Variants in IFNLR1 observed in about 807,000 individuals in gnomAD.
IFNLR1 encodes the protein interferon lambda receptor 1.
Under a neutral mutation model 52.5 loss-of-function variants are expected in IFNLR1, and 28 were observed. The ratio of observed to expected loss-of-function variants is 0.53; its 90% confidence interval spans 0.40 to 0.73. The LOEUF (loss-of-function observed/expected upper bound fraction) is 0.73. Among genes scored for constraint, IFNLR1 ranks in the 30% least tolerant of loss-of-function variants. The pLI, the probability that IFNLR1 is intolerant of heterozygous loss-of-function variation, is 0.00. For missense variants in IFNLR1, 623 were observed against 659.1 expected (o/e 0.95, Z 0.60); for synonymous variants, 276 against 274.9 (o/e 1.00, Z -0.04).
At position 24,162,876 on chromosome 1, in the gene IFNLR1, T is replaced by TTTCTTTCTTTCTTTCCTTCC. The variant is rs1553162229; in HGVS notation, c.368-1193_368-1192insGGAAGGAAAGAAAGAAAGAA. 2.2e-4 allele frequency among the ~76,000 whole-genome samples: 5 copies of TTTCTTTCTTTCTTTCCTTCC among 22,590 alleles called. 1 individual carries two copies. The highest frequency in any genetic ancestry group is 4.0e-4 in the African/African-American group (2 of 5,028). The allele number at this position is 22,590 out of a possible 152,430, so 14.8% of individuals were successfully genotyped here. Reference sequence around the variant, plus strand: ...CTTTCTTTCTTTCTTTCTTTCTTTCTTTCCTTCCTTCCTTCCTTCCTTCCT... The same window carrying TTTCTTTCTTTCTTTCCTTCC: ...CTTTCTTTCTTTCTTTCTTTCTTTCTTTCTTTCTTTCTTTCCTTCCTTCCTTCCTTCCTTCCTTCCTTCCT... On this transcript the variant is annotated intron_variant, in intron 3 of 6. Coordinates refer to ENST00000327535, the MANE Select transcript of IFNLR1 (RefSeq NM_170743.4).
At chr1:24,168,599 A>G (rs1290628834) in intron 3 of IFNLR1, among the ~76,000 whole-genome samples, 1 of 152,076 alleles carries the variant, frequency 6.6e-6, no homozygotes, top group Non-Finnish European at 1.5e-5. Context: ...TGAAAAAAAA[A>G]AAGTGCCCTC....
At chr1:24,173,231 T>C (rs964991785) in intron 2 of IFNLR1, among the ~76,000 whole-genome samples, 2 of 151,402 alleles carry the variant, frequency 1.3e-5, no homozygotes, top group African/African-American at 4.9e-5. Flanking sequence ...TTTGTATTCA[T>C]AGATAACTCA....
intron 2 of IFNLR1, among the ~76,000 whole-genome samples, chr1:24,170,045 C>T (rs765353048): frequency 4.6e-5 from 7 of 152,212 alleles, no homozygotes; most frequent in Non-Finnish European, 7.3e-5. Flanking sequence ...ATGACTCCAA[C>T]CTGGATACTT....
chr1:24,185,868 AC>A (rs1644732367), intron 1 of IFNLR1, among the ~76,000 whole-genome samples: 1 of 152,144 alleles, frequency 6.6e-6, no homozygotes, highest in African/African-American at 2.4e-5. Flanking sequence ...CTTGGGACAG[AC>A]CACCCTATGG....
At chr1:24,178,328 A>C (rs1644655945) in intron 2 of IFNLR1, among the ~76,000 whole-genome samples, 1 of 152,130 alleles carries the variant, frequency 6.6e-6, no homozygotes, top group Admixed American at 6.5e-5. Flanking sequence ...TGGTATACAC[A>C]CATCACTCTG....
chr1:24,171,872 T>C (rs1286366170), intron 2 of IFNLR1, among the ~76,000 whole-genome samples: 1 of 152,056 alleles, frequency 6.6e-6, no homozygotes, highest in Non-Finnish European at 1.5e-5. Context: ...CCCAGGCTGG[T>C]CTCAAACTCC....
chr1:24,175,134 C>T (rs1385336799), intron 2 of IFNLR1, among the ~76,000 whole-genome samples: 1 of 152,212 alleles, frequency 6.6e-6, no homozygotes, highest in Non-Finnish European at 1.5e-5. Flanking sequence ...TGTGAACACG[C>T]AATATCCTTC....
Position 24,159,557 on chromosome 1 carries a change from A to G in IFNLR1, c.587T>C (p.Leu196Pro), listed in dbSNP as rs1365867730. Residue 196 changes from leucine (L) to proline (P), a missense_variant, in exon 5 of 7, where the codon CTC (leucine) becomes CCC (proline). By Grantham distance (98) the Leu-to-Pro change is moderately conservative (BLOSUM62 -3). Coordinates refer to ENST00000327535, the MANE Select transcript of IFNLR1 (RefSeq NM_170743.4). ...LQPAASEHHC[L>P]SARTIYTFSV... ...GAACGTGTAGATGGTTCTGGCACTGAGGCAGTGGTGTTCGCTGGCAGCTGG... is the reference window on the plus strand; with the variant it reads ...GAACGTGTAGATGGTTCTGGCACTGGGGCAGTGGTGTTCGCTGGCAGCTGG... 2.5e-6 allele frequency: 4 copies of G among 1,613,510 alleles called. No homozygotes were observed. Among genetic ancestry groups the G allele is most frequent in the Non-Finnish European group, 3.4e-6 (4 of 1,179,880 alleles).
chr1:24,157,613 C>G lies in IFNLR1; in HGVS notation c.1080G>C (p.Ser360=). ...TCCCTGAGTCCACCCCACCAGCCTC[C>G]GAGTGCCCTGGAGCCTGGTGCTCTT... ...LGQEHQAPGH[S]EAGGVDSGRP... Residue 360 remains serine, a synonymous_variant, in exon 7 of 7, where the codon TCG becomes TCC. Transcript: ENST00000327535. The surrounding 1 kb of genome is among the most constrained non-coding windows in gnomAD (Gnocchi z 5.1). The G allele has an allele frequency of 6.2e-7, 1 of 1,608,676 alleles. No individual in the cohort carries two copies. The highest frequency in any genetic ancestry group is 8.5e-7 in the Non-Finnish European group (1 of 1,177,536).
chr1:24,184,517 G>A (rs2148605095), intron 1 of IFNLR1, among the ~76,000 whole-genome samples: 1 of 152,188 alleles, frequency 6.6e-6, no homozygotes, highest in South Asian at 2.1e-4. Context: ...CTCCCCAACA[G>A]CTACCCTACA....
At chr1:24,173,657 CT>C (rs57746770) in intron 2 of IFNLR1, among the ~76,000 whole-genome samples, 4 of 145,110 alleles carry the variant, frequency 2.8e-5, no homozygotes, top group Non-Finnish European at 4.5e-5. Flanking sequence ...CCCTCTCTCT[CT>C]TTTTTTTAGA....
chr1:24,158,735 T>C (rs1241083170), intron 6 of IFNLR1, among the ~76,000 whole-genome samples: 1 of 152,136 alleles, frequency 6.6e-6, no homozygotes, highest in East Asian at 1.9e-4. Context: ...TGGTGCCTCC[T>C]CTCCTCCCCT....
intron 3 of IFNLR1, among the ~76,000 whole-genome samples, chr1:24,167,208 T>C (rs1644528998): frequency 1.3e-5 from 2 of 152,154 alleles, no homozygotes; most frequent in African/African-American, 4.8e-5. Context: ...CCTCTGATTG[T>C]TGGGCCTGTG....
Position 24,157,976 on chromosome 1 carries a change from A to T in IFNLR1, c.802-85T>A. 1.6e-6 allele frequency: 2 copies of T among 1,288,374 alleles called. No homozygotes were observed. The highest frequency in any genetic ancestry group is 2.1e-6 in the Non-Finnish European group (2 of 941,502). The allele number at this position is 1,288,374 out of a possible 1,614,324, so 79.8% of individuals were successfully genotyped here. A position where few individuals can be genotyped will look rare whatever the true frequency, so the allele number is the denominator to read the frequency against. Reference sequence around the variant, plus strand: ...ATCATCTGAATTCCCCTAGAAACAGACCTCAGACAAGGCTTCAAGTGTAAG... The same window carrying T: ...ATCATCTGAATTCCCCTAGAAACAGTCCTCAGACAAGGCTTCAAGTGTAAG... On this transcript the variant is annotated intron_variant, in intron 6 of 6. Coordinates refer to ENST00000327535, the MANE Select transcript of IFNLR1 (RefSeq NM_170743.4). The surrounding 1 kb of genome is among the most constrained non-coding windows in gnomAD (Gnocchi z 5.1).
intron 1 of IFNLR1, among the ~76,000 whole-genome samples, chr1:24,181,386 A>G (rs1644689259): frequency 6.6e-6 from 1 of 152,198 alleles, no homozygotes; most frequent in Admixed American, 6.5e-5. Flanking sequence ...GGCCAGAGAT[A>G]AGAACTTCGA....
chr1:24,183,153 A>G (rs538847718), intron 1 of IFNLR1, among the ~76,000 whole-genome samples: 5 of 152,320 alleles, frequency 3.3e-5, no homozygotes, highest in African/African-American at 9.6e-5. Context: ...ACTAAAATTC[A>G]TGAGCCCAAA....
chr1:24,179,348 TCTC>T (rs1195485395), intron 2 of IFNLR1, among the ~76,000 whole-genome samples: 5 of 152,216 alleles, frequency 3.3e-5, no homozygotes, highest in Admixed American at 2.6e-4. Context: ...GGTGCTTCAG[TCTC>T]CTCCTCTGTA....
Position 24,157,701 on chromosome 1 carries a change from T to TCATCCTC in IFNLR1, c.985_991dup (p.Glu331GlyfsTer3), listed in dbSNP as rs1379300497. 3 of 1,613,950 alleles carry TCATCCTC rather than the reference T, an allele frequency of 1.9e-6. No homozygotes were observed. The highest frequency in any genetic ancestry group is 2.5e-6 in the Non-Finnish European group (3 of 1,179,936). ...GCTGACGCCATCTTCTGTGTCCTCC[T>TCATCCTC]CATCCTCCTCCTCTTCGTCCTCTGC... On this transcript the variant is annotated stop_gained and frameshift_variant, in exon 7 of 7. Transcript: ENST00000327535. LOFTEE classifies it high-confidence loss of function. The surrounding 1 kb of genome is among the most constrained non-coding windows in gnomAD (Gnocchi z 5.1).
Position 24,171,774 on chromosome 1 carries a change from A to G in IFNLR1, c.183-2173T>C, listed in dbSNP as rs191980329. On this transcript the variant is annotated intron_variant, in intron 2 of 6. Coordinates refer to ENST00000327535, the MANE Select transcript of IFNLR1 (RefSeq NM_170743.4). ...TGGGTTCAAAGAATTCTCCTGCCTC[A>G]GCCTCCCAAGTAGCTGGGATTACAG... Among the ~76,000 whole-genome samples the G allele has an allele frequency of 5.0e-3, 768 of 152,164 alleles. 7 individuals carry two copies. Among genetic ancestry groups the G allele is most frequent in the Admixed American group, 9.2e-3 (141 of 15,288 alleles).
Sources: gnomAD v4.1 joint callset for allele counts (sites outside exome capture counted in the v4.1 genomes callset) on GRCh38, gnomAD v4.1.1 for gene constraint, Gnocchi (gnomAD v3.1) non-coding constraint, MANE v1.5 for transcripts, NCBI Gene and HGNC (gene_info 2026-07-23, HGNC 2026-07-21) for gene names.